UBE2O: variants seen among roughly 807,000 people sequenced by gnomAD.
UBE2O encodes (E3-independent) E2 ubiquitin-conjugating enzyme.
A neutral mutation model predicts 125.8 loss-of-function variants in UBE2O; 15 were observed. The observed-to-expected ratio is 0.12, with a 90% CI of 0.08 to 0.18. The LOEUF is 0.18. UBE2O is among the 10% of genes least tolerant of loss of function. UBE2O has a pLI of 1.00. For synonymous variants in UBE2O, 708 were observed against 703.2 expected (o/e 1.01, Z -0.11); for missense variants, 1,280 against 1,723.6 (o/e 0.74, Z 4.56).
rs139978352 is a variant in UBE2O, at chr17:76,446,307, G to T, written c.417+6418C>A. Reference sequence around the variant, plus strand: ...TCACGTGCCCAGGACTGTTGTGCTGGCAATTCATGTTATACACGACAATTG... The same window carrying T: ...TCACGTGCCCAGGACTGTTGTGCTGTCAATTCATGTTATACACGACAATTG... On this transcript the variant is annotated intron_variant, in intron 1 of 17. Transcript: ENST00000319380. Among the ~76,000 whole-genome samples the T allele has an allele frequency of 1.7e-3, 255 of 152,296 alleles. 1 individual carries two copies. Among genetic ancestry groups the T allele is most frequent in the South Asian group, 8.1e-3 (39 of 4,822 alleles).
chr17:76,398,630 T>A lies in UBE2O; in HGVS notation c.1784-46A>T, dbSNP rs2072258546. 6.3e-7 allele frequency: 1 copy of A among 1,588,430 alleles called. No homozygotes were observed. Among genetic ancestry groups the A allele is most frequent in the African/African-American group, 1.3e-5 (1 of 74,522 alleles). On this transcript the variant is annotated intron_variant, in intron 10 of 17. Transcript: ENST00000319380. This position sits in a 1 kb window ranked among gnomAD's most constrained non-coding sequence, Gnocchi z 5.4. ...AAGTGACTAGCTAAGGGATCCCGGCTAAGGAGCCCACATCTCAAGCCAGTG... is the reference window on the plus strand; with the variant it reads ...AAGTGACTAGCTAAGGGATCCCGGCAAAGGAGCCCACATCTCAAGCCAGTG...
At chr17:76,428,096 C>T (rs552068839) in intron 1 of UBE2O, among the ~76,000 whole-genome samples, 10 of 152,300 alleles carry the variant, frequency 6.6e-5, no homozygotes, top group African/African-American at 1.7e-4. Flanking sequence ...GCGGTTCTAA[C>T]TTTAGCTCAA....
intron 1 of UBE2O, among the ~76,000 whole-genome samples, chr17:76,433,405 ACATGG>A (rs1236744557): frequency 5.4e-5 from 8 of 149,352 alleles, no homozygotes; most frequent in African/African-American, 2.0e-4. Context: ...CAGAGACAGA[ACATGG>A]CTTCCAGGAG....
chr17:76,430,174 T>C (rs1177592614), intron 1 of UBE2O, among the ~76,000 whole-genome samples: 2 of 152,192 alleles, frequency 1.3e-5, no homozygotes, highest in Non-Finnish European at 2.9e-5. Context: ...TTCCACCTTC[T>C]AGAAATTGGA....
chr17:76,406,195 C>G (rs187100628), intron 1 of UBE2O, among the ~76,000 whole-genome samples: 3 of 152,352 alleles, frequency 2.0e-5, no homozygotes, highest in Admixed American at 6.5e-5. Flanking sequence ...GCCAACTGCA[C>G]GAGCACCTGA....
chr17:76,432,473 AC>A (rs1326843958), intron 1 of UBE2O, among the ~76,000 whole-genome samples: 2 of 152,132 alleles, frequency 1.3e-5, no homozygotes, highest in African/African-American at 4.8e-5. Flanking sequence ...CTATTTAGCA[AC>A]CCCTTTCTCA....
rs1320313064 is a variant in UBE2O, at chr17:76,399,493, C to T, written c.1584G>A (p.Lys528=). 6.2e-7 allele frequency: 1 copy of T among 1,614,084 alleles called. No individual in the cohort carries two copies. Among genetic ancestry groups the T allele is most frequent in the African/African-American group, 1.3e-5 (1 of 74,926 alleles). Residue 528 remains lysine, a synonymous_variant, in exon 9 of 18, where the codon AAG becomes AAA. Coordinates refer to ENST00000319380, the MANE Select transcript of UBE2O (RefSeq NM_022066.4). The surrounding 1 kb of genome is among the most constrained non-coding windows in gnomAD (Gnocchi z 6.9). ...LSIKNLKRKH[K]RKKNKITRDF... is the part of the protein sequence containing the mutation. ...CTCGAGTGATTTTATTCTTCTTCCT[C>T]TTGTGTTTGCGCTTTAAGTTCTTGA...
intron 1 of UBE2O, among the ~76,000 whole-genome samples, chr17:76,440,361 T>C (rs1250426948): frequency 1.3e-5 from 2 of 152,232 alleles, no homozygotes; most frequent in Non-Finnish European, 2.9e-5. Context: ...TCTTGCTCTG[T>C]TGCCTAGGCT....
chr17:76,428,532 A>G (rs555393130), intron 1 of UBE2O, among the ~76,000 whole-genome samples: 1 of 152,258 alleles, frequency 6.6e-6, no homozygotes, highest in African/African-American at 2.4e-5. Context: ...CTTTCTGAGT[A>G]TATTTGCCAT....
In UBE2O at chr17:76,406,692, G is replaced by GTTTTTTTT. The variant is rs66834782; in HGVS notation, c.418-1128_418-1121dup. On this transcript the variant is annotated intron_variant, in intron 1 of 17. Coordinates refer to ENST00000319380, the MANE Select transcript of UBE2O (RefSeq NM_022066.4). ...CCATGGGAACTCATGAGCCCAAGTT[G>GTTTTTTTT]TTTTTTTTTTTTTTTTTTTTTTTTT... Among the ~76,000 whole-genome samples the GTTTTTTTT allele has an allele frequency of 1.6e-4, 11 of 70,916 alleles. 1 individual carries two copies. The highest frequency in any genetic ancestry group is 5.7e-4 in the South Asian group (1 of 1,748). 46.5% of individuals were successfully genotyped at this position (70,916 alleles called of 152,430 possible).
At position 76,400,049 on chromosome 17, in the gene UBE2O, C is replaced by A. The variant is rs1293078180; in HGVS notation, c.1155+98G>T. 1.3e-6 allele frequency: 2 copies of A among 1,535,468 alleles called. No individual in the cohort carries two copies. The highest frequency in any genetic ancestry group is 4.5e-5 in the East Asian group (2 of 44,332). ...AGCCGGCAAGGGTCATCAGGGCTGC[C>A]CCCCAAGGCCTAAAGCACAGACTGT... On this transcript the variant is annotated intron_variant, in intron 8 of 17. Coordinates refer to ENST00000319380, the MANE Select transcript of UBE2O (RefSeq NM_022066.4). The surrounding 1 kb of genome is among the most constrained non-coding windows in gnomAD (Gnocchi z 4.3).
chr17:76,429,535 C>G (rs2072868450), intron 1 of UBE2O, among the ~76,000 whole-genome samples: 1 of 90,910 alleles, frequency 1.1e-5, no homozygotes, highest in African/African-American at 4.5e-5. Context: ...GAGTGAGACT[C>G]TGTCTCAAAA....
rs752390284 is a variant in UBE2O, at chr17:76,405,281, G to A, written c.513C>T (p.Ile171=). Residue 171 remains isoleucine (I), a synonymous_variant, in exon 3 of 18, where the codon ATC becomes ATT. Coordinates refer to ENST00000319380, the MANE Select transcript of UBE2O (RefSeq NM_022066.4). The surrounding 1 kb of genome is among the most constrained non-coding windows in gnomAD (Gnocchi z 6.1). ...TGCCGATGAGCTTGACGGCACAGTCGATGTTGACGTCGATCACCGTGCCAC... is the reference window on the plus strand; with the variant it reads ...TGCCGATGAGCTTGACGGCACAGTCAATGTTGACGTCGATCACCGTGCCAC... ...SQCGTVIDVN[I]DCAVKLIGTN... is the part of the protein sequence containing the mutation. 6.2e-6 allele frequency: 10 copies of A among 1,613,234 alleles called. No homozygotes were observed. The East Asian group carries it at 8.9e-5, about 14-fold the overall frequency.
intron 1 of UBE2O, among the ~76,000 whole-genome samples, chr17:76,414,709 G>A (rs573952653): frequency 1.5e-3 from 221 of 152,352 alleles, no homozygotes; most frequent in African/African-American, 5.0e-3. Flanking sequence ...CCAACTGCCT[G>A]CTAAGTGAGG....
chr17:76,400,029 G>T lies in UBE2O; in HGVS notation c.1156-108C>A. On this transcript the variant is annotated intron_variant, in intron 8 of 17. Transcript: ENST00000319380. The surrounding 1 kb of genome is among the most constrained non-coding windows in gnomAD (Gnocchi z 4.3). ...ACAGCTGTATACACCTGAGTAGCCG[G>T]CAAGGGTCATCAGGGCTGCCCCCCA... 6.6e-7 allele frequency: 1 copy of T among 1,522,384 alleles called. No individual in the cohort carries two copies. Among genetic ancestry groups the T allele is most frequent in the Non-Finnish European group, 8.9e-7 (1 of 1,126,752 alleles). 94.3% of individuals were successfully genotyped at this position (1,522,384 alleles called of 1,614,324 possible). A position where few individuals can be genotyped will look rare whatever the true frequency, so the allele number is the denominator to read the frequency against.
At chr17:76,438,108 T>C (rs1008951172) in intron 1 of UBE2O, among the ~76,000 whole-genome samples, 1 of 152,198 alleles carries the variant, frequency 6.6e-6, no homozygotes, top group Non-Finnish European at 1.5e-5. Context: ...TCCCTCTTCT[T>C]ACTGCCTTTT....
Position 76,414,912 on chromosome 17 carries a change from C to T in UBE2O, c.418-9340G>A, listed in dbSNP as rs2072575104. 2.6e-5 allele frequency among the ~76,000 whole-genome samples: 4 copies of T among 152,212 alleles called. No individual in the cohort carries two copies. The South Asian group carries it at 8.3e-4, about 32-fold the overall frequency. On this transcript the variant is annotated intron_variant, in intron 1 of 17. Coordinates refer to ENST00000319380, the MANE Select transcript of UBE2O (RefSeq NM_022066.4). ...AAAGACAAGAACAGCCCAGGCCTGGCTCCTGCATTTGAAGGGAGGGGACAG... is the reference window on the plus strand; with the variant it reads ...AAAGACAAGAACAGCCCAGGCCTGGTTCCTGCATTTGAAGGGAGGGGACAG...
In UBE2O at chr17:76,405,152, G is replaced by A. The variant is rs374402352; in HGVS notation, c.588+54C>T. ...GAGGCTGTAGCCCAGAGGTCGTGCC[G>A]CCGAGAGAACCAGAGGGCCCAGAAA... On this transcript the variant is annotated intron_variant, in intron 3 of 17. Coordinates refer to ENST00000319380, the MANE Select transcript of UBE2O (RefSeq NM_022066.4). The surrounding 1 kb of genome is among the most constrained non-coding windows in gnomAD (Gnocchi z 6.1). 25 of 1,391,446 alleles carry A rather than the reference G, an allele frequency of 1.8e-5. No individual in the cohort carries two copies. Among genetic ancestry groups the A allele is most frequent in the Admixed American group, 1.6e-4 (8 of 51,390 alleles). 86.2% of individuals were successfully genotyped at this position (1,391,446 alleles called of 1,614,324 possible).
Position 76,400,580 on chromosome 17 carries a change from A to C in UBE2O, c.895-30T>G. 6.5e-7 allele frequency: 1 copy of C among 1,529,792 alleles called. No individual in the cohort carries two copies. The highest frequency in any genetic ancestry group is 9.0e-7 in the Non-Finnish European group (1 of 1,115,290). 94.8% of individuals were successfully genotyped at this position (1,529,792 alleles called of 1,614,324 possible). A position where few individuals can be genotyped will look rare whatever the true frequency, so the allele number is the denominator to read the frequency against. On this transcript the variant is annotated intron_variant, in intron 6 of 17. Transcript: ENST00000319380. This position sits in a 1 kb window ranked among gnomAD's most constrained non-coding sequence, Gnocchi z 4.3. ...GGATGGCAGGTGGGACACGCCAGTC[A>C]GGGCAGGCTCTGACAGCACTCTCTT...
Sources: gnomAD v4.1 joint callset for allele counts (sites outside exome capture counted in the v4.1 genomes callset) on GRCh38, gnomAD v4.1.1 for gene constraint, Gnocchi (gnomAD v3.1) non-coding constraint, MANE v1.5 for transcripts, NCBI Gene and HGNC (gene_info 2026-07-23, HGNC 2026-07-21) for gene names.